Variants in ZNF248 observed in about 807,000 individuals in gnomAD.
ZNF248 encodes the protein zinc finger protein 248, also known as KRAB protein domain.
In ZNF248, 20 loss-of-function variants were observed where a neutral mutation model predicts 44.3. That is an observed-to-expected ratio of 0.45 (90% CI 0.32 to 0.66). ZNF248 has a LOEUF of 0.66. Ranked by LOEUF, ZNF248 falls within the 30% of genes least tolerant of loss-of-function variation. The pLI is 0.04. For missense variants in ZNF248, 654 were observed against 677.0 expected (o/e 0.97, Z 0.38); for synonymous variants, 224 against 229.0 (o/e 0.98, Z 0.20).
downstream of ZNF248, among the ~76,000 whole-genome samples, chr10:37,774,518 G>A (rs1448008611): frequency 1.3e-5 from 2 of 152,176 alleles, no homozygotes; most frequent in Non-Finnish European, 2.9e-5. Context: ...AAACACCTGG[G>A]GATATGCTAG....
At chr10:37,764,551 G>A in the ZNF248 span, among the ~76,000 whole-genome samples, 2 of 152,058 alleles carry the variant, frequency 1.3e-5, no homozygotes, top group Admixed American at 6.6e-5. Context: ...ATAAAAACTT[G>A]CTGGTTTTGT....
At chr10:37,787,886 C>T (rs960903322) in intron 6 of ZNF248, among the ~76,000 whole-genome samples, 1 of 152,106 alleles carries the variant, frequency 6.6e-6, no homozygotes, top group Non-Finnish European at 1.5e-5. Context: ...CAAAAGATAA[C>T]ATTGAGACAA....
rs555073408 is a variant in ZNF248, at chr10:37,789,207, C to T, written c.331-12632G>A. Among the ~76,000 whole-genome samples the T allele has an allele frequency of 1.6e-3, 236 of 151,716 alleles. 1 individual carries two copies. The highest frequency in any genetic ancestry group is 2.3e-3 in the Non-Finnish European group (155 of 67,976). On this transcript the variant is annotated intron_variant, in intron 6 of 6. Transcript: ENST00000615949. Reference sequence around the variant, plus strand: ...ATATAAATGTAAAATTGGATTGTGGCGATGTTTGCACAACTCTTAAAATTT... The same window carrying T: ...ATATAAATGTAAAATTGGATTGTGGTGATGTTTGCACAACTCTTAAAATTT...
intron 6 of ZNF248, among the ~76,000 whole-genome samples, chr10:37,816,559 G>A (rs2052506673): frequency 6.6e-6 from 1 of 152,158 alleles, no homozygotes; most frequent in East Asian, 1.9e-4. Context: ...ATTATTAGTT[G>A]TCTCTTTCGT....
chr10:37,776,637 TC>T, intron 6 of ZNF248: 1 of 396,636 alleles, frequency 2.5e-6, no homozygotes, highest in Non-Finnish European at 4.4e-6. Context: ...TCAAAGAACT[TC>T]CTTGTCTAAA....
At chr10:37,852,641 A>G (rs576132523) in intron 3 of ZNF248, among the ~76,000 whole-genome samples, 30 of 150,272 alleles carry the variant, frequency 2.0e-4, no homozygotes, top group Non-Finnish European at 3.5e-4. Context: ...CTCTCTCTAT[A>G]TATAGATATA....
chr10:37,856,744 G>A, intron 1 of ZNF248: 1 of 986,394 alleles, frequency 1.0e-6, no homozygotes, highest in African/African-American at 1.7e-5. Context: ...GATGTTAAAT[G>A]CAAGTTTAAA....
intron 6 of ZNF248, among the ~76,000 whole-genome samples, chr10:37,796,846 A>G (rs943219161): frequency 2.6e-5 from 4 of 152,224 alleles, no homozygotes; most frequent in Admixed American, 2.0e-4. Context: ...ATCAATTAGA[A>G]TATCAGTTAC....
At position 37,836,048 on chromosome 10, in the gene ZNF248, C is replaced by T. The variant is rs12573600; in HGVS notation, c.238+1569G>A. Among the ~76,000 whole-genome samples, 4 of 152,256 alleles carry T rather than the reference C, an allele frequency of 2.6e-5. No individual in the cohort carries two copies. In the East Asian group the frequency reaches 7.8e-4, roughly 30 times the overall value. On this transcript the variant is annotated intron_variant, in intron 5 of 5. Transcript: ENST00000395867. ...ACCTAATCTATCTAGCTGCTTGAGA[C>T]AAATTATTGGGATCACACTTGATTC...
chr10:37,759,018 C>A, the ZNF248 span, among the ~76,000 whole-genome samples: 3 of 152,146 alleles, frequency 2.0e-5, no homozygotes, highest in African/African-American at 7.2e-5. Flanking sequence ...AAGGAGACCA[C>A]TAGGCAAGGA....
At chr10:37,782,285 T>C (rs2047405228) in intron 6 of ZNF248, among the ~76,000 whole-genome samples, 1 of 152,224 alleles carries the variant, frequency 6.6e-6, no homozygotes, top group African/African-American at 2.4e-5. Flanking sequence ...TACCCCAGGA[T>C]GGACCATGAC....
At chr10:37,825,363 T>C (rs906209398), downstream of ZNF248, among the ~76,000 whole-genome samples, 2 of 152,134 alleles carry the variant, frequency 1.3e-5, no homozygotes, top group African/African-American at 2.4e-5. Flanking sequence ...TATCATGTTA[T>C]ATTAGTAAGG....
In ZNF248 at chr10:37,811,683, T is replaced by A. The variant is rs758345012; in HGVS notation, c.330+21342A>T. Among the ~76,000 whole-genome samples the A allele has an allele frequency of 7.0e-3, 766 of 108,846 alleles. 4 individuals carry two copies. The highest frequency in any genetic ancestry group is 0.015 in the African/African-American group (451 of 29,594). The allele number at this position is 108,846 out of a possible 152,430, so 71.4% of individuals were successfully genotyped here. ...AACCCTGTCTCTACAAAAAAAAAAA[T>A]ATATATATATATATTAGTCAGGTGT... On this transcript the variant is annotated intron_variant, in intron 6 of 6. Coordinates refer to the ZNF248 transcript ENST00000615949.
Position 37,787,380 on chromosome 10 carries a change from C to T in ZNF248, c.331-10805G>A, listed in dbSNP as rs1051830348. 6.6e-5 allele frequency among the ~76,000 whole-genome samples: 10 copies of T among 152,104 alleles called. No homozygotes were observed. The South Asian group carries it at 1.0e-3, about 16-fold the overall frequency. On this transcript the variant is annotated intron_variant, in intron 6 of 6. Transcript: ENST00000615949. ...AGACAGTGTGGCACTGGCATAAGTACGAACACATAGATAATGGAAATTAAT... is the reference window on the plus strand; with the variant it reads ...AGACAGTGTGGCACTGGCATAAGTATGAACACATAGATAATGGAAATTAAT...
At chr10:37,850,035 C>A (rs1309484387) in intron 3 of ZNF248, among the ~76,000 whole-genome samples, 1 of 152,100 alleles carries the variant, frequency 6.6e-6, no homozygotes, top group African/African-American at 2.4e-5. Context: ...CACACCACTG[C>A]ACCCCAGCCT....
At chr10:37,791,778 G>GA (rs1381841145) in intron 6 of ZNF248, 6 of 152,216 alleles carry the variant, frequency 3.9e-5, no homozygotes, top group African/African-American at 1.2e-4. Flanking sequence ...AAGCCAACCT[G>GA]AAAGAGCTCT....
intron 6 of ZNF248, among the ~76,000 whole-genome samples, chr10:37,793,253 T>G (rs535566635): frequency 6.6e-6 from 1 of 152,070 alleles, no homozygotes; most frequent in Non-Finnish European, 1.5e-5. Flanking sequence ...CAGAATTGCT[T>G]GAACCTGGGA....
At chr10:37,780,803 G>C (rs2132881665) in intron 6 of ZNF248, among the ~76,000 whole-genome samples, 1 of 152,244 alleles carries the variant, frequency 6.6e-6, no homozygotes, top group African/African-American at 2.4e-5. Context: ...GCGGGACCCT[G>C]GTCCTAGCCC....
intron 6 of ZNF248, chr10:37,819,222 C>A: frequency 2.4e-6 from 2 of 822,790 alleles, no homozygotes; most frequent in Non-Finnish European, 4.3e-6. Flanking sequence ...ATGGACCAGG[C>A]CTCTTTCTCT....
Sources: allele counts gnomAD v4.1 joint callset (sites outside exome capture counted in the v4.1 genomes callset), GRCh38; gene constraint gnomAD v4.1.1; transcripts MANE v1.5; gene names NCBI Gene and HGNC (gene_info 2026-07-23, HGNC 2026-07-21).